Variants in ACOT12 observed in about 807,000 individuals in gnomAD.
ACOT12 encodes acetyl-coenzyme A thioesterase.
ACOT12 carries 51 observed loss-of-function variants against 67.7 expected under a neutral mutation model. The observed-to-expected ratio is 0.75, with a 90% CI of 0.60 to 0.95. The LOEUF (loss-of-function observed/expected upper bound fraction) is 0.95. Among genes scored for constraint, ACOT12 ranks in the 40% least tolerant of loss-of-function variants. The pLI is 0.00. For synonymous variants in ACOT12, 251 were observed against 244.6 expected (o/e 1.03, Z -0.24); for missense variants, 734 against 708.1 (o/e 1.04, Z -0.41).
At chr5:81,371,721 A>G in intron 3 of ACOT12, 29 bp downstream of exon 3, 1 of 1,606,360 alleles carries the variant, frequency 6.2e-7, no homozygotes, top group Non-Finnish European at 8.5e-7. Context: ...GAGCACCAAC[A>G]GGCAGATGTT....
intron 1 of ACOT12, among the ~76,000 whole-genome samples, chr5:81,388,677 G>C (rs1002854928): frequency 1.3e-5 from 2 of 152,192 alleles, no homozygotes; most frequent in African/African-American, 2.4e-5. Context: ...ATGGAGTCTA[G>C]TGGATGAGCT....
At chr5:81,387,130 T>G (rs953791830) in intron 1 of ACOT12, among the ~76,000 whole-genome samples, 6 of 151,160 alleles carry the variant, frequency 4.0e-5, no homozygotes, top group African/African-American at 1.5e-4. Flanking sequence ...CTCAGCCTCC[T>G]GAGTAGCTGG....
intron 4 of ACOT12, among the ~76,000 whole-genome samples, chr5:81,363,415 C>T (rs916445380): frequency 6.6e-6 from 1 of 152,040 alleles, no homozygotes; most frequent in Non-Finnish European, 1.5e-5. Context: ...ATTGCTCTTG[C>T]TTTTTTAAAA....
chr5:81,330,932 T>G lies in ACOT12; in HGVS notation c.1400A>C (p.Tyr467Ser). 3 of 1,597,124 alleles carry G rather than the reference T, an allele frequency of 1.9e-6. No individual in the cohort carries two copies. The highest frequency in any genetic ancestry group is 2.6e-6 in the Non-Finnish European group (3 of 1,173,814). Residue 467 changes from tyrosine (Y) to serine (S), a missense_variant, in exon 14 of 15, where the codon TAC (tyrosine) becomes TCC (serine). Physicochemically the swap from Tyr to Ser is moderately radical, Grantham distance 144. Transcript: ENST00000307624. ...RRKPLKDGNT[Y>S]TVAVKSVILP... ...AATGACCGACTTCACTGCCACTGTG[T>G]AAGTGTTACTGAAAGAAAACACTTT...
chr5:81,348,569 GCT>G (rs1279663782), intron 5 of ACOT12, among the ~76,000 whole-genome samples: 4 of 151,956 alleles, frequency 2.6e-5, no homozygotes, highest in Admixed American at 2.0e-4. Context: ...ATGTCCTTCT[GCT>G]CTCTCTTTTT....
chr5:81,324,360 T>C, the ACOT12 span, among the ~76,000 whole-genome samples: 2 of 152,146 alleles, frequency 1.3e-5, no homozygotes, highest in African/African-American at 4.8e-5. Flanking sequence ...CCAATAGAAT[T>C]TGCTGAAGGA....
intron 11 of ACOT12, among the ~76,000 whole-genome samples, chr5:81,341,546 G>A (rs1462262933): frequency 6.6e-6 from 1 of 152,232 alleles, no homozygotes; most frequent in East Asian, 1.9e-4. Context: ...TTCATAGGCT[G>A]CTGCTTCACT....
At chr5:81,383,164 G>C (rs1453025060) in intron 2 of ACOT12, among the ~76,000 whole-genome samples, 2 of 152,140 alleles carry the variant, frequency 1.3e-5, no homozygotes, top group East Asian at 3.9e-4. Context: ...GATCACCTGA[G>C]GTCAGGAGTT....
intron 1 of ACOT12, among the ~76,000 whole-genome samples, chr5:81,392,347 A>C (rs1760888159): frequency 6.6e-6 from 1 of 152,236 alleles, no homozygotes; most frequent in African/African-American, 2.4e-5. Context: ...TAAAGTGTTT[A>C]ACACAGGCGT....
intron 3 of ACOT12, among the ~76,000 whole-genome samples, chr5:81,366,421 T>A (rs1760079230): frequency 6.6e-6 from 1 of 152,068 alleles, no homozygotes; most frequent in Admixed American, 6.5e-5. Context: ...AAACAACAAT[T>A]AAATATAAGC....
At chr5:81,316,775 T>C in the ACOT12 span, among the ~76,000 whole-genome samples, 6 of 152,214 alleles carry the variant, frequency 3.9e-5, no homozygotes, top group African/African-American at 1.4e-4. Flanking sequence ...GGAATCTCAT[T>C]GTGGTTTTGA....
chr5:81,354,081 T>C (rs1275499479), intron 5 of ACOT12, among the ~76,000 whole-genome samples: 1 of 152,232 alleles, frequency 6.6e-6, no homozygotes, highest in Non-Finnish European at 1.5e-5. Context: ...GCATGGAAGT[T>C]AGTAAAATTT....
At chr5:81,345,157 A>T in intron 7 of ACOT12, 116 bp from the exon 8 acceptor site, 3 of 1,333,556 alleles carry the variant, frequency 2.2e-6, no homozygotes, top group Non-Finnish European at 3.1e-6. Context: ...CAACAGGAGG[A>T]TAAGGGCCTG....
chr5:81,373,672 G>A (rs960178211), intron 2 of ACOT12, among the ~76,000 whole-genome samples: 3 of 152,176 alleles, frequency 2.0e-5, no homozygotes, highest in African/African-American at 7.2e-5. Context: ...GGATGCTCGA[G>A]CTTGGTGAGG....
intron 11 of ACOT12, among the ~76,000 whole-genome samples, chr5:81,336,953 G>T (rs1759024028): frequency 6.6e-6 from 1 of 152,182 alleles, no homozygotes; most frequent in Admixed American, 6.5e-5. Flanking sequence ...CTCTCCAATT[G>T]AACTTGGTTC....
At chr5:81,343,114 G>T (rs1001897685) in intron 10 of ACOT12, among the ~76,000 whole-genome samples, 1 of 152,048 alleles carries the variant, frequency 6.6e-6, no homozygotes, top group Non-Finnish European at 1.5e-5. Context: ...CCGCCACCGG[G>T]AGGCGGAGGT....
chr5:81,365,085 C>A (rs958318812), intron 3 of ACOT12, among the ~76,000 whole-genome samples: 1 of 152,192 alleles, frequency 6.6e-6, no homozygotes, highest in Non-Finnish European at 1.5e-5. Context: ...GCTTGGTCCT[C>A]AGGATTGCAC....
the ACOT12 span, among the ~76,000 whole-genome samples, chr5:81,314,543 G>C: frequency 6.6e-6 from 1 of 152,208 alleles, no homozygotes; most frequent in Middle Eastern, 3.2e-3. Context: ...GAGAGATCCT[G>C]AGTGTTCATT....
At chr5:81,363,510 A>G (rs771442266) in intron 4 of ACOT12, among the ~76,000 whole-genome samples, 35 of 152,322 alleles carry the variant, frequency 2.3e-4, no homozygotes, top group Non-Finnish European at 4.4e-4. Flanking sequence ...AAAGAAACCA[A>G]TATGACCTTC....
Sources: allele counts gnomAD v4.1 joint callset (sites outside exome capture counted in the v4.1 genomes callset), GRCh38; gene constraint gnomAD v4.1.1; transcripts MANE v1.5; gene names NCBI Gene and HGNC (gene_info 2026-07-23, HGNC 2026-07-21).